Variants in PRMT8 observed in about 807,000 individuals in gnomAD.
The protein encoded by PRMT8 is protein arginine N-methyltransferase 8.
A neutral mutation model predicts 47.1 loss-of-function variants in PRMT8; 7 were observed. The ratio of observed to expected loss-of-function variants is 0.15; its 90% CI spans 0.08 to 0.28. The LOEUF is 0.28. PRMT8 is among the 10% of genes least tolerant of loss of function. PRMT8 has a pLI of 1.00. For synonymous variants in PRMT8, 188 were observed against 186.5 expected, an observed-to-expected ratio of 1.01 and a Z score of -0.07; for missense variants, 237 against 505.4, an observed-to-expected ratio of 0.47 and a Z score of 5.09.
At chr12:3,448,730 AT>A (rs941578095) in intron 1 of PRMT8, among the ~76,000 whole-genome samples, 15 of 151,616 alleles carry the variant, frequency 9.9e-5, no homozygotes, top group South Asian at 6.2e-4. Context: ...CTTTTTAAAA[AT>A]TTTATTTTAT....
At chr12:3,559,812 C>T (rs569562990) in intron 4 of PRMT8, among the ~76,000 whole-genome samples, 1 of 152,308 alleles carries the variant, frequency 6.6e-6, no homozygotes, top group South Asian at 2.1e-4. Context: ...TGCTGTGGTC[C>T]ATGCTGACCC....
intron 1 of PRMT8, among the ~76,000 whole-genome samples, chr12:3,431,904 T>G (rs1241498990): frequency 6.6e-6 from 1 of 152,182 alleles, no homozygotes; most frequent in African/African-American, 2.4e-5. Flanking sequence ...GGAACCTCGC[T>G]GGCAGCAGCA....
At chr12:3,549,815 C>A (rs747443647) in intron 2 of PRMT8, 121 bp from the exon 3 acceptor site, 55 of 1,136,120 alleles carry the variant, frequency 4.8e-5, no homozygotes, top group Non-Finnish European at 6.9e-5. Context: ...TGTGGCTCTG[C>A]CTGATGATAT....
At chr12:3,423,344 C>T (rs1864564654) in intron 1 of PRMT8, among the ~76,000 whole-genome samples, 2 of 152,146 alleles carry the variant, frequency 1.3e-5, no homozygotes, top group Non-Finnish European at 2.9e-5. Context: ...AAGGCTCTGC[C>T]GGTTTTATTA....
intron 8 of PRMT8, among the ~76,000 whole-genome samples, chr12:3,584,498 G>A (rs2137230646): frequency 6.6e-6 from 1 of 152,298 alleles, no homozygotes; most frequent in South Asian, 2.1e-4. Context: ...GATGTCCTCA[G>A]GGTGAACCTA....
At chr12:3,403,631 G>C (rs905484404) in intron 1 of PRMT8, among the ~76,000 whole-genome samples, 2 of 151,978 alleles carry the variant, frequency 1.3e-5, no homozygotes, top group Non-Finnish European at 2.9e-5. Context: ...TGTAATCCCA[G>C]AACTTTGGGA....
rs35698030 is a variant in PRMT8, at chr12:3,532,611, CAAAAAAAAAAAA to C, written c.76-7976_76-7965del. ...TGGGCGACAGAGTAAGACTCCGTCT[CAAAAAAAAAAAA>C]AAAAAAAAAAAAAAAAAAGAGCTCT... On this transcript the variant is annotated intron_variant, in intron 1 of 9. Coordinates refer to ENST00000382622, the MANE Select transcript of PRMT8 (RefSeq NM_019854.5). Among the ~76,000 whole-genome samples the C allele has an allele frequency of 4.9e-4, 12 of 24,656 alleles. 1 individual carries two copies. The East Asian group carries it at 0.014, about 30-fold the overall frequency. The allele number at this position is 24,656 out of a possible 152,430, so 16.2% of individuals were successfully genotyped here. A position where few individuals can be genotyped will look rare whatever the true frequency, so the allele number is the denominator to read the frequency against.
chr12:3,448,478 A>G (rs1864881224), intron 1 of PRMT8, among the ~76,000 whole-genome samples: 1 of 152,238 alleles, frequency 6.6e-6, no homozygotes, highest in African/African-American at 2.4e-5. Flanking sequence ...AGTGAGAAGA[A>G]TGGCATTATT....
At chr12:3,387,362 G>C (rs1254813969) in intron 1 of PRMT8, among the ~76,000 whole-genome samples, 1 of 152,218 alleles carries the variant, frequency 6.6e-6, no homozygotes, top group African/African-American at 2.4e-5. Flanking sequence ...AGTTATGCCA[G>C]CTCCTGAGAG....
At chr12:3,400,153 C>T (rs1456498394) in intron 1 of PRMT8, among the ~76,000 whole-genome samples, 2 of 151,890 alleles carry the variant, frequency 1.3e-5, no homozygotes, top group Non-Finnish European at 2.9e-5. Flanking sequence ...CAAGAAATAA[C>T]CAAGATCAGA....
intron 1 of PRMT8, chr12:3,469,009 T>C: frequency 3.2e-6 from 1 of 308,250 alleles, no homozygotes; most frequent in South Asian, 3.4e-5. Context: ...ACGTGCTGTC[T>C]ATTCACTGCA....
chr12:3,471,092 T>A (rs1446028990), intron 1 of PRMT8, among the ~76,000 whole-genome samples: 1 of 152,042 alleles, frequency 6.6e-6, no homozygotes, highest in Non-Finnish European at 1.5e-5. Context: ...AGCGGTGGTT[T>A]CTTCATAGAG....
intron 1 of PRMT8, among the ~76,000 whole-genome samples, chr12:3,512,486 G>T (rs1865727920): frequency 6.6e-6 from 1 of 152,032 alleles, no homozygotes; most frequent in Admixed American, 6.5e-5. Context: ...CTCCTTGTCT[G>T]CCTGTCTCAT....
intron 1 of PRMT8, among the ~76,000 whole-genome samples, chr12:3,468,471 T>C (rs1195828503): frequency 6.6e-6 from 1 of 152,180 alleles, no homozygotes; most frequent in Non-Finnish European, 1.5e-5. Flanking sequence ...GGATTGTGTA[T>C]GTGCAACAGA....
At chr12:3,397,980 GC>G (rs770404204) in intron 1 of PRMT8, among the ~76,000 whole-genome samples, 33 of 152,330 alleles carry the variant, frequency 2.2e-4, no homozygotes, top group South Asian at 4.1e-4. Context: ...TTTTCCAGGT[GC>G]CGTCCATCAC....
chr12:3,482,650 C>A (rs768636969), intron 1 of PRMT8, among the ~76,000 whole-genome samples: 23 of 152,196 alleles, frequency 1.5e-4, no homozygotes, highest in Non-Finnish European at 7.3e-5. Context: ...CATTGTCAGG[C>A]TGACAGATAC....
chr12:3,558,218 A>G (rs761495077), intron 4 of PRMT8, among the ~76,000 whole-genome samples: 55 of 150,684 alleles, frequency 3.7e-4, no homozygotes, highest in Middle Eastern at 3.4e-3. Flanking sequence ...GTCTCACACC[A>G]TAGGGCTCTC....
chr12:3,383,925 C>A (rs1023738397), intron 1 of PRMT8, among the ~76,000 whole-genome samples: 1 of 152,094 alleles, frequency 6.6e-6, no homozygotes, highest in Admixed American at 6.5e-5. Context: ...TATTTTGTAT[C>A]CTGCAACATT....
chr12:3,546,100 G>A (rs1451170972), intron 2 of PRMT8, among the ~76,000 whole-genome samples: 1 of 152,178 alleles, frequency 6.6e-6, no homozygotes, highest in African/African-American at 2.4e-5. Flanking sequence ...AATAGCCCAT[G>A]GGTCACAGAA....
Sources: allele counts gnomAD v4.1 joint callset (sites outside exome capture counted in the v4.1 genomes callset), GRCh38; gene constraint gnomAD v4.1.1; transcripts MANE v1.5; gene names NCBI Gene and HGNC (gene_info 2026-07-23, HGNC 2026-07-21).